The following PCSK6 variants were observed in gnomAD, a reference collection of about 807,000 sequenced individuals.
PCSK6 encodes the protein paired basic amino acid cleaving enzyme 4.
PCSK6 carries 85 observed loss-of-function variants against 123.3 expected under a neutral mutation model. The observed-to-expected ratio is 0.69, with a 90% CI of 0.58 to 0.83. PCSK6 has a LOEUF of 0.83. Among genes scored for constraint, PCSK6 ranks in the 40% least tolerant of loss-of-function variants. PCSK6 has a pLI of 0.00. For synonymous variants in PCSK6, 508 were observed against 516.0 expected, an observed-to-expected ratio of 0.98 and a Z score of 0.21; for missense variants, 1,191 against 1,282.3, an observed-to-expected ratio of 0.93 and a Z score of 1.09.
chr15:101,414,562 G>C (rs2055818588), intron 6 of PCSK6, among the ~76,000 whole-genome samples: 1 of 152,134 alleles, frequency 6.6e-6, no homozygotes, highest in Non-Finnish European at 1.5e-5. Context: ...TTGCTCAGGT[G>C]AAAGAGTTAA....
chr15:101,443,610 T>G lies in PCSK6; in HGVS notation c.348A>C (p.Lys116Asn). 1 of 1,613,990 alleles carries G rather than the reference T, an allele frequency of 6.2e-7. No individual in the cohort carries two copies. The highest frequency in any genetic ancestry group is 8.5e-7 in the Non-Finnish European group (1 of 1,179,886). The change falls in exon 2 of 22, where the codon AAA becomes AAC. Residue 116 changes from lysine to asparagine, a missense_variant. Transcript: ENST00000611716. The stretch of plus-strand genomic sequence containing the variant: ...GGCCTCTGCTACTCAAGGTTGATCT[T>G]TTAAAGGTTTTGCTGTGATAAAAAT... Reference protein sequence around the residue: ...YYHFYHSKTFKRSTLSSRGPH... With the variant: ...YYHFYHSKTFNRSTLSSRGPH...
chr15:101,349,801 G>A (rs1034943899), intron 13 of PCSK6, among the ~76,000 whole-genome samples: 4 of 152,136 alleles, frequency 2.6e-5, no homozygotes, highest in Non-Finnish European at 5.9e-5. Flanking sequence ...CTGTGGCCCC[G>A]AGTGCAGAGT....
chr15:101,360,124 G>C (rs1002378883), intron 13 of PCSK6, among the ~76,000 whole-genome samples: 1 of 151,986 alleles, frequency 6.6e-6, no homozygotes, highest in Admixed American at 6.5e-5. Flanking sequence ...CACATCTCTC[G>C]ACCCTGCTTT....
intron 1 of PCSK6, among the ~76,000 whole-genome samples, chr15:101,476,518 T>A (rs1253497331): frequency 8.0e-6 from 1 of 124,448 alleles, no homozygotes; most frequent in Non-Finnish European, 1.6e-5. Context: ...AAAACCTAGG[T>A]AGGTCCAAAA....
chr15:101,367,117 C>T (rs1342806990), intron 12 of PCSK6, among the ~76,000 whole-genome samples: 1 of 152,162 alleles, frequency 6.6e-6, no homozygotes, highest in Non-Finnish European at 1.5e-5. Context: ...TCCCTTTACC[C>T]TTCCCAACTC....
intron 2 of PCSK6, among the ~76,000 whole-genome samples, chr15:101,436,602 C>T (rs1227781232): frequency 6.6e-6 from 1 of 152,186 alleles, no homozygotes; most frequent in Non-Finnish European, 1.5e-5. Context: ...CCAAAGCCTC[C>T]TCCAGGAGAG....
At chr15:101,312,636 G>A (rs1453756225) in intron 20 of PCSK6, among the ~76,000 whole-genome samples, 1 of 152,184 alleles carries the variant, frequency 6.6e-6, no homozygotes, top group African/African-American at 2.4e-5. Context: ...TTCGAGACCA[G>A]CCTGGCCAAC....
chr15:101,393,072 C>CTGAAGGTAATT (rs1486293096), intron 8 of PCSK6, 140 bp downstream of exon 8: 3 of 747,610 alleles, frequency 4.0e-6, no homozygotes, highest in Admixed American at 4.3e-5. Context: ...AATTGTTCGC[C>CTGAAGGTAATT]GATGGGTGAG....
chr15:101,444,738 T>C (rs55810344), intron 1 of PCSK6, among the ~76,000 whole-genome samples: 1 of 152,072 alleles, frequency 6.6e-6, no homozygotes, highest in Non-Finnish European at 1.5e-5. Context: ...AAAAGTTAAG[T>C]AGGACTAAAG....
chr15:101,437,653 C>T (rs781489679), intron 2 of PCSK6, among the ~76,000 whole-genome samples: 9 of 152,318 alleles, frequency 5.9e-5, no homozygotes, highest in Non-Finnish European at 8.8e-5. Context: ...GAAGTCCTCG[C>T]TCTGCCGATG....
intron 10 of PCSK6, 60 bp from the exon 11 acceptor site, chr15:101,382,269 C>A (rs1394307908): frequency 7.5e-7 from 1 of 1,327,922 alleles, no homozygotes; most frequent in Non-Finnish European, 1.1e-6. Context: ...GGGAGCAAGG[C>A]TGGCTCTTGC....
At chr15:101,473,448 A>G (rs1181042046) in intron 1 of PCSK6, among the ~76,000 whole-genome samples, 1 of 152,236 alleles carries the variant, frequency 6.6e-6, no homozygotes, top group African/African-American at 2.4e-5. Context: ...AGAAAGAATC[A>G]ATTTGGTTTT....
intron 1 of PCSK6, among the ~76,000 whole-genome samples, chr15:101,448,949 A>C (rs977244293): frequency 3.3e-5 from 5 of 152,198 alleles, no homozygotes; most frequent in African/African-American, 1.2e-4. Context: ...GTGTGTGTGC[A>C]TATGTGTGGA....
At chr15:101,318,504 G>T in intron 18 of PCSK6, 82 bp from the exon 19 acceptor site, 1 of 1,154,772 alleles carries the variant, frequency 8.7e-7, no homozygotes, top group South Asian at 1.4e-5. Flanking sequence ...TTCCCAAGAG[G>T]AGATGTAAGT....
chr15:101,342,697 T>C (rs2040643209), intron 13 of PCSK6, among the ~76,000 whole-genome samples: 1 of 151,936 alleles, frequency 6.6e-6, no homozygotes, highest in Non-Finnish European at 1.5e-5. Context: ...AGGTTGGGAG[T>C]TGGAGACCAG....
intron 2 of PCSK6, among the ~76,000 whole-genome samples, chr15:101,437,423 G>A (rs917258177): frequency 1.3e-5 from 2 of 152,062 alleles, no homozygotes; most frequent in African/African-American, 2.4e-5. Context: ...GTAGAGGAGG[G>A]GGAGGAGGAA....
Position 101,469,256 on chromosome 15 carries a change from C to A in PCSK6, c.297+20118G>T, listed in dbSNP as rs1596369582. Among the ~76,000 whole-genome samples the A allele has an allele frequency of 2.0e-5, 3 of 152,266 alleles. No homozygotes were observed. The East Asian group carries it at 5.8e-4, about 29-fold the overall frequency. ...AATCCATCCCAAGTGATGCCCAGAG[C>A]AAGAAAAGCTGGGGGAGAGGATAAT... is the stretch of plus-strand genomic sequence containing the variant. On this transcript the variant is annotated intron_variant, in intron 1 of 21. Coordinates refer to ENST00000611716, the MANE Select transcript of PCSK6 (RefSeq NM_002570.5).
intron 1 of PCSK6, among the ~76,000 whole-genome samples, chr15:101,483,811 TTC>T (rs2141273331): frequency 6.6e-6 from 1 of 152,338 alleles, no homozygotes; most frequent in South Asian, 2.1e-4. Flanking sequence ...CAGCCAGACA[TTC>T]TGTTTCTCTG....
Position 101,323,606 on chromosome 15 carries a change from G to A in PCSK6, c.2378-999C>T, listed in dbSNP as rs574120234. On this transcript the variant is annotated intron_variant, in intron 17 of 21. Transcript: ENST00000611716. The stretch of plus-strand genomic sequence containing the variant: ...AAATTAGCCGGGCGTGATGGCGCAT[G>A]CCTGTAAGCCCAGCTACTCGGGAGG... Among the ~76,000 whole-genome samples, 7 of 152,258 alleles carry A rather than the reference G, an allele frequency of 4.6e-5. No individual in the cohort carries two copies. In the East Asian group the frequency reaches 1.4e-3, roughly 29 times the overall value.
Sources: allele counts gnomAD v4.1 joint callset (sites outside exome capture counted in the v4.1 genomes callset), GRCh38; gene constraint gnomAD v4.1.1; transcripts MANE v1.5; gene names NCBI Gene and HGNC (gene_info 2026-07-23, HGNC 2026-07-21).